Variants in LRMDA observed in about 807,000 individuals in gnomAD.
LRMDA encodes the protein leucine-rich melanocyte differentiation-associated protein.
Under a neutral mutation model 29.8 loss-of-function variants are expected in LRMDA, and 18 were observed. The ratio of observed to expected loss-of-function variants is 0.60; its 90% confidence interval spans 0.42 to 0.90. The LOEUF is 0.90. LRMDA is among the 40% of genes least tolerant of loss of function. The probability of loss-of-function intolerance (pLI) is 0.00; values close to 1 mark genes in which losing one functional copy is unlikely to be tolerated. For synonymous variants in LRMDA, 125 were observed against 109.4 expected, an observed-to-expected ratio of 1.14 and a Z score of -0.89; for missense variants, 273 against 273.9, an observed-to-expected ratio of 1.00 and a Z score of 0.02.
chr10:76,463,600 GC>G (rs1160208330), intron 6 of LRMDA, among the ~76,000 whole-genome samples: 1 of 152,198 alleles, frequency 6.6e-6, no homozygotes, highest in African/African-American at 2.4e-5. Flanking sequence ...GAGTGAATGT[GC>G]CTAAGAGACC....
chr10:76,144,135 A>T lies in LRMDA; in HGVS notation c.516+85352A>T, dbSNP rs565007550. The stretch of plus-strand genomic sequence containing the variant: ...TGAAGTTAGGTAGTGTGATGCCTCC[A>T]GCTTTGTTCTTTTGGCTTAGGATTG... On this transcript the variant is annotated intron_variant, in intron 5 of 6. Transcript: ENST00000611255. Among the ~76,000 whole-genome samples the T allele has an allele frequency of 3.9e-5, 6 of 152,180 alleles. No homozygotes were observed. The East Asian group carries it at 1.2e-3, about 29-fold the overall frequency.
Position 76,022,549 on chromosome 10 carries a change from A to G in LRMDA, c.132-13459A>G, listed in dbSNP as rs185598684. 3.5e-3 allele frequency among the ~76,000 whole-genome samples: 530 copies of G among 152,270 alleles called. 7 individuals carry two copies. Among genetic ancestry groups the G allele is most frequent in the African/African-American group, 0.012 (516 of 41,564 alleles). On this transcript the variant is annotated intron_variant, in intron 2 of 6. Transcript: ENST00000611255. The stretch of plus-strand genomic sequence containing the variant: ...AGGCACCATATCAGGGAGTAAATAC[A>G]GAAGTGGGCAATTAGCCTCAGGGCC...
chr10:76,123,707 A>C (rs200082046), intron 5 of LRMDA, among the ~76,000 whole-genome samples: 1 of 152,156 alleles, frequency 6.6e-6, no homozygotes, highest in Non-Finnish European at 1.5e-5. Flanking sequence ...GAATTCTTTC[A>C]CTCAGAGGTG....
intron 2 of LRMDA, among the ~76,000 whole-genome samples, chr10:75,909,357 C>T (rs1366404757): frequency 6.6e-6 from 1 of 152,134 alleles, no homozygotes; most frequent in South Asian, 2.1e-4. Context: ...TCTGAAGGGC[C>T]TTTAGTAGAA....
At chr10:76,008,870 T>C (rs1356136163) in intron 2 of LRMDA, among the ~76,000 whole-genome samples, 1 of 152,250 alleles carries the variant, frequency 6.6e-6, no homozygotes, top group Non-Finnish European at 1.5e-5. Context: ...GGAGAAAATA[T>C]GAGTTCTTAG....
Position 76,517,350 on chromosome 10 carries a change from G to A in LRMDA, c.602-39859G>A, listed in dbSNP as rs186028121. On this transcript the variant is annotated intron_variant, in intron 6 of 6. Coordinates refer to ENST00000611255, the MANE Select transcript of LRMDA (RefSeq NM_001305581.2). ...GAGAAGATTTTATGAGTAGCCAGAA[G>A]ACAAAAGTTACCTATAAAGAAATGA... is the stretch of plus-strand genomic sequence containing the variant. Among the ~76,000 whole-genome samples the A allele has an allele frequency of 7.2e-5, 11 of 152,184 alleles. No individual in the cohort carries two copies. The East Asian group carries it at 1.9e-3, about 27-fold the overall frequency.
chr10:76,124,729 A>G lies in LRMDA; in HGVS notation c.516+65946A>G, dbSNP rs1480592366. 2.6e-5 allele frequency among the ~76,000 whole-genome samples: 4 copies of G among 152,208 alleles called. No individual in the cohort carries two copies. In the East Asian group the frequency reaches 7.7e-4, roughly 29 times the overall value. ...AGGCTCAGTAGTCTGAATTCTTTTC[A>G]GATATTGACTGCTCCCCACGTCTCT... On this transcript the variant is annotated intron_variant, in intron 5 of 6. Coordinates refer to ENST00000611255, the MANE Select transcript of LRMDA (RefSeq NM_001305581.2).
intron 2 of LRMDA, among the ~76,000 whole-genome samples, chr10:75,956,017 TG>T (rs1240356079): frequency 6.0e-4 from 91 of 152,334 alleles, no homozygotes; most frequent in African/African-American, 1.9e-3. Flanking sequence ...CTAATTTCTA[TG>T]GGCAAGGGAT....
chr10:75,740,044 A>C (rs1385237275), intron 2 of LRMDA, among the ~76,000 whole-genome samples: 1 of 152,256 alleles, frequency 6.6e-6, no homozygotes, highest in Non-Finnish European at 1.5e-5. Flanking sequence ...TTAAATAAGC[A>C]GAGATTGTAA....
At chr10:75,978,570 G>A (rs9415144) in intron 2 of LRMDA, among the ~76,000 whole-genome samples, 32,604 of 152,146 alleles carry the variant, frequency 0.21, 4,065 homozygotes, top group South Asian at 0.41. Context: ...TAAAAATCCA[G>A]GTTCTGTTAC....
At chr10:76,536,679 C>T (rs1195475471) in intron 6 of LRMDA, among the ~76,000 whole-genome samples, 1 of 152,142 alleles carries the variant, frequency 6.6e-6, no homozygotes, top group Non-Finnish European at 1.5e-5. Flanking sequence ...GGCATATTTA[C>T]TGCATCATGT....
chr10:75,585,489 G>T (rs1356668222), intron 2 of LRMDA, among the ~76,000 whole-genome samples: 1 of 152,168 alleles, frequency 6.6e-6, no homozygotes, highest in African/African-American at 2.4e-5. Flanking sequence ...CATGTCCATT[G>T]GGTACATGCT....
intron 5 of LRMDA, among the ~76,000 whole-genome samples, chr10:76,081,233 T>C (rs1282725640): frequency 1.3e-5 from 2 of 152,156 alleles, no homozygotes; most frequent in Admixed American, 6.5e-5. Context: ...CCCAGCACTT[T>C]GGGAGGCCAA....
At chr10:75,769,789 A>G (rs1439694554) in intron 2 of LRMDA, among the ~76,000 whole-genome samples, 1 of 152,130 alleles carries the variant, frequency 6.6e-6, no homozygotes, top group Non-Finnish European at 1.5e-5. Flanking sequence ...TTGATCAAGA[A>G]CTGGCCAATA....
At chr10:75,578,557 C>T (rs1840541520) in intron 2 of LRMDA, among the ~76,000 whole-genome samples, 1 of 152,266 alleles carries the variant, frequency 6.6e-6, no homozygotes, top group East Asian at 1.9e-4. Flanking sequence ...ACCTAATAGA[C>T]ATCTGCAGAA....
At chr10:75,642,274 C>T (rs936735902) in intron 2 of LRMDA, among the ~76,000 whole-genome samples, 1 of 151,080 alleles carries the variant, frequency 6.6e-6, no homozygotes, top group Non-Finnish European at 1.5e-5. Flanking sequence ...TAAGCATGAA[C>T]GTTTCCCTGT....
intron 2 of LRMDA, among the ~76,000 whole-genome samples, chr10:75,521,117 C>T (rs1039055028): frequency 4.6e-5 from 7 of 152,324 alleles, no homozygotes; most frequent in Non-Finnish European, 7.3e-5. Flanking sequence ...AGGTGTCTGT[C>T]GGCCCCTACT....
chr10:75,493,403 C>CA (rs1379077298), intron 2 of LRMDA, among the ~76,000 whole-genome samples: 9 of 134,786 alleles, frequency 6.7e-5, no homozygotes, highest in Non-Finnish European at 3.1e-5. Flanking sequence ...TCCATGAAAT[C>CA]AGAGTGGGAA....
chr10:75,623,879 T>C (rs1342721192), intron 2 of LRMDA, among the ~76,000 whole-genome samples: 3 of 152,238 alleles, frequency 2.0e-5, no homozygotes, highest in Non-Finnish European at 4.4e-5. Context: ...TATAAAACTA[T>C]CGCTGGCAGC....
Sources: allele counts gnomAD v4.1 joint callset (sites outside exome capture counted in the v4.1 genomes callset), GRCh38; gene constraint gnomAD v4.1.1; transcripts MANE v1.5; gene names NCBI Gene and HGNC (gene_info 2026-07-23, HGNC 2026-07-21).